Variants in MITD1 observed in about 807,000 individuals in gnomAD.
MITD1 encodes the protein microtubule interacting and trafficking domain containing 1, also known as MIT domain-containing protein 1.
Under a neutral mutation model 34.9 loss-of-function variants are expected in MITD1, and 24 were observed. The observed-to-expected ratio is 0.69, with a 90% CI of 0.50 to 0.97. The LOEUF (loss-of-function observed/expected upper bound fraction) is 0.97, where lower values mean the gene tolerates loss of function less well. Among genes scored for constraint, MITD1 ranks in the 50% least tolerant of loss-of-function variants. The pLI is 0.00. For synonymous variants in MITD1, 102 were observed against 101.4 expected (o/e 1.01, Z -0.04); for missense variants, 266 against 294.6 (o/e 0.90, Z 0.71).
At chr2:99,163,090 ATGTC>A in intron 7 of MITD1, 1 of 1,506,778 alleles carries the variant, frequency 6.6e-7, no homozygotes, top group Non-Finnish European at 8.9e-7. Context: ...TTCCAAGTAA[ATGTC>A]TTAATACAGT....
downstream of MITD1, among the ~76,000 whole-genome samples, chr2:99,168,079 T>A (rs2093834964): frequency 6.6e-6 from 1 of 152,204 alleles, no homozygotes; most frequent in African/African-American, 2.4e-5. Flanking sequence ...CACTCTCCAA[T>A]ACTGAACACT....
At chr2:99,166,858 A>ATATATAT (rs2093829286), downstream of MITD1, among the ~76,000 whole-genome samples, 1 of 115,422 alleles carries the variant, frequency 8.7e-6, no homozygotes. Flanking sequence ...TGGGGTTTTA[A>ATATATAT]ATATATATAT....
intron 1 of MITD1, chr2:99,178,434 T>G (rs997093166): frequency 1.3e-5 from 2 of 152,226 alleles, no homozygotes; most frequent in Non-Finnish European, 2.9e-5. Context: ...CCCAGCACTG[T>G]TCTAAGTGCT....
chr2:99,179,773 G>A (rs1162539468), intron 1 of MITD1, among the ~76,000 whole-genome samples: 2 of 152,074 alleles, frequency 1.3e-5, no homozygotes, highest in African/African-American at 4.8e-5. Flanking sequence ...ATGTTGGCCA[G>A]GATGGTCTCG....
chr2:99,163,176 C>CCTA, intron 7 of MITD1: 4 of 564,524 alleles, frequency 7.1e-6, no homozygotes, highest in Non-Finnish European at 1.1e-5. Flanking sequence ...CTTTTAGTAA[C>CCTA]GTCAAAAAAA....
Position 99,169,554 on chromosome 2 carries a change from G to A in MITD1, c.650C>T (p.Pro217Leu). ...ACTCATAAGATTATATCCTACCTGT[G>A]GTTTCTTAAAATAATCAAGTCCCCT... The part of the protein sequence containing the change: ...IGRGLDYFKK[P>L]QSRFSLGYCD... The change falls in exon 6 of 7, where the codon CCA becomes CTA. Residue 217 changes from proline to leucine, a missense_variant. Pro to Leu is a moderately conservative substitution (Grantham distance 98). Transcript: ENST00000289359. The A allele has an allele frequency of 1.2e-6, 2 of 1,608,884 alleles. No individual in the cohort carries two copies. The highest frequency in any genetic ancestry group is 2.2e-5 in the South Asian group (2 of 90,964).
At chr2:99,164,306 C>T (rs564025227), downstream of MITD1, among the ~76,000 whole-genome samples, 48 of 151,838 alleles carry the variant, frequency 3.2e-4, no homozygotes, top group Non-Finnish European at 5.6e-4. Flanking sequence ...CCCCCATGGC[C>T]CCCCTCCTCC....
intron 7 of MITD1, chr2:99,163,272 T>C (rs569400012): frequency 7.3e-5 from 28 of 383,496 alleles, no homozygotes; most frequent in African/African-American, 5.8e-4. Context: ...TGTGTATTTC[T>C]TCTGACCTCT....
intron 1 of MITD1, among the ~76,000 whole-genome samples, chr2:99,177,291 C>T (rs1386348349): frequency 6.6e-6 from 1 of 152,194 alleles, no homozygotes; most frequent in African/African-American, 2.4e-5. Context: ...TTACAGCCAT[C>T]TTTGATTCCC....
intron 5 of MITD1, 94 bp from the exon 6 acceptor site, chr2:99,169,704 T>G: frequency 1.0e-6 from 1 of 994,484 alleles, no homozygotes; most frequent in South Asian, 1.5e-5. Context: ...AATTTCCCCC[T>G]AACAAAGCAA....
intron 1 of MITD1, chr2:99,178,273 A>G (rs996263441): frequency 2.0e-5 from 3 of 152,232 alleles, no homozygotes; most frequent in Admixed American, 1.3e-4. Flanking sequence ...ACTGTTTTCT[A>G]TAATGGCTAT....
chr2:99,163,297 T>A, intron 7 of MITD1: 2 of 335,852 alleles, frequency 6.0e-6, no homozygotes, highest in Non-Finnish European at 1.1e-5. Flanking sequence ...TCCTCTTTCT[T>A]CTCTTTCTTC....
chr2:99,175,735 T>C (rs530064211), intron 1 of MITD1, among the ~76,000 whole-genome samples: 27 of 152,316 alleles, frequency 1.8e-4, no homozygotes, highest in Admixed American at 1.4e-3. Flanking sequence ...TCTATTTCCG[T>C]CATTCCTTCT....
chr2:99,171,049 T>C, intron 4 of MITD1: 1 of 309,698 alleles, frequency 3.2e-6, no homozygotes, highest in Non-Finnish European at 6.0e-6. Flanking sequence ...TAATAATTGG[T>C]AAAGAAACAA....
intron 1 of MITD1, among the ~76,000 whole-genome samples, chr2:99,175,659 T>G (rs1040699661): frequency 3.9e-5 from 6 of 152,222 alleles, no homozygotes; most frequent in Non-Finnish European, 8.8e-5. Flanking sequence ...TCCCACTAAT[T>G]TTAGCATCTG....
chr2:99,175,284 T>C (rs558948734), intron 1 of MITD1, among the ~76,000 whole-genome samples: 1 of 152,364 alleles, frequency 6.6e-6, no homozygotes, highest in South Asian at 2.1e-4. Flanking sequence ...GATCCCATAT[T>C]GCATTTAGTT....
At chr2:99,171,867 C>A (rs983187170) in intron 2 of MITD1, 1 of 485,000 alleles carries the variant, frequency 2.1e-6, no homozygotes, top group South Asian at 2.7e-5. Flanking sequence ...TCTGCCTTCA[C>A]AGAGGCTAGG....
At chr2:99,167,675 C>A (rs923645377), downstream of MITD1, among the ~76,000 whole-genome samples, 1 of 152,124 alleles carries the variant, frequency 6.6e-6, no homozygotes, top group Non-Finnish European at 1.5e-5. Flanking sequence ...TCCATTTCCA[C>A]GTGGCATCGG....
downstream of MITD1, among the ~76,000 whole-genome samples, chr2:99,164,860 GAT>G (rs1238505833): frequency 1.6e-5 from 2 of 122,846 alleles, no homozygotes. Flanking sequence ...CCAGAGAGAG[GAT>G]ATCATCAGGC....
Sources: gnomAD v4.1 joint callset for allele counts (sites outside exome capture counted in the v4.1 genomes callset) on GRCh38, gnomAD v4.1.1 for gene constraint, MANE v1.5 for transcripts, NCBI Gene and HGNC (gene_info 2026-07-23, HGNC 2026-07-21) for gene names.